Variants in CREB5 observed in about 807,000 individuals in gnomAD.
CREB5 encodes the protein cAMP responsive element binding protein 5, also known as cyclic AMP-responsive element-binding protein 5.
Under a neutral mutation model 57.1 loss-of-function variants are expected in CREB5, and 19 were observed. The observed-to-expected ratio is 0.33, with a 90% CI of 0.23 to 0.49. The LOEUF is 0.49. CREB5 is among the 20% of genes least tolerant of loss of function. The pLI, the probability that CREB5 is intolerant of heterozygous loss-of-function variation, is 0.99. For missense variants in CREB5, 579 were observed against 671.6 expected (o/e 0.86, Z 1.52); for synonymous variants, 238 against 238.3 (o/e 1.00, Z 0.01).
intron 1 of CREB5, among the ~76,000 whole-genome samples, chr7:28,302,261 G>A (rs1426592930): frequency 2.0e-5 from 3 of 151,904 alleles, no homozygotes; most frequent in Non-Finnish European, 2.9e-5. Flanking sequence ...GGTTTTTTTG[G>A]ACTGATTTTT....
At chr7:28,419,632 G>A (rs1788160695) in intron 1 of CREB5, among the ~76,000 whole-genome samples, 1 of 152,122 alleles carries the variant, frequency 6.6e-6, no homozygotes, top group Non-Finnish European at 1.5e-5. Flanking sequence ...AAAAACCTGG[G>A]CCAGTGAGGA....
intron 1 of CREB5, among the ~76,000 whole-genome samples, chr7:28,420,245 T>G (rs1788188096): frequency 6.6e-6 from 1 of 152,202 alleles, no homozygotes; most frequent in East Asian, 1.9e-4. Flanking sequence ...TTTTTATCCT[T>G]TCCAGGAAAT....
chr7:28,567,533 C>T (rs569764687), intron 4 of CREB5, among the ~76,000 whole-genome samples: 23 of 152,240 alleles, frequency 1.5e-4, no homozygotes, highest in Non-Finnish European at 2.1e-4. Context: ...TCTTCTCTCA[C>T]TGGGCTTACC....
chr7:28,614,300 A>G (rs1797516591), intron 5 of CREB5, among the ~76,000 whole-genome samples: 1 of 152,208 alleles, frequency 6.6e-6, no homozygotes, highest in Non-Finnish European at 1.5e-5. Context: ...CATTTGTGCT[A>G]TATCCATTTG....
At chr7:28,514,059 C>A (rs1272136767) in intron 4 of CREB5, among the ~76,000 whole-genome samples, 3 of 152,228 alleles carry the variant, frequency 2.0e-5, no homozygotes, top group Non-Finnish European at 4.4e-5. Flanking sequence ...TAGAGGAATA[C>A]TGGCTAAGAT....
At chr7:28,791,966 C>T (rs1023495213) in intron 7 of CREB5, among the ~76,000 whole-genome samples, 11 of 151,954 alleles carry the variant, frequency 7.2e-5, no homozygotes, top group Admixed American at 1.3e-4. Flanking sequence ...GAAATGGAGA[C>T]GTAAAAAGAT....
chr7:28,644,296 G>A (rs182974215), intron 5 of CREB5, among the ~76,000 whole-genome samples: 3 of 152,250 alleles, frequency 2.0e-5, no homozygotes, highest in African/African-American at 7.2e-5. Flanking sequence ...CTGCCTGATG[G>A]CTTATCATCT....
rs59152695 is a variant in CREB5, at chr7:28,348,408, TCACACA to T, written c.-25+48998_-25+49003del. Among the ~76,000 whole-genome samples, 410 of 118,236 alleles carry T rather than the reference TCACACA, an allele frequency of 3.5e-3. 1 individual carries two copies. Among genetic ancestry groups the T allele is most frequent in the African/African-American group, 9.3e-3 (294 of 31,728 alleles). 77.6% of individuals were successfully genotyped at this position (118,236 alleles called of 152,430 possible). A position where few individuals can be genotyped will look rare whatever the true frequency, so the allele number is the denominator to read the frequency against. Reference sequence around the variant, plus strand: ...GTCTCTCTCTCTCTGTCTCTCTCTCTCACACACACACACACACACACACACACACAC... The same window carrying T: ...GTCTCTCTCTCTCTGTCTCTCTCTCTCACACACACACACACACACACACAC... On this transcript the variant is annotated intron_variant, in intron 1 of 9. Transcript: ENST00000396299.
intron 7 of CREB5, among the ~76,000 whole-genome samples, chr7:28,779,769 A>G (rs1806865916): frequency 6.6e-6 from 1 of 152,118 alleles, no homozygotes; most frequent in African/African-American, 2.4e-5. Context: ...CCGTCCATAT[A>G]ACCCACCCAA....
chr7:28,343,446 A>G lies in CREB5; in HGVS notation c.-25+44005A>G, dbSNP rs572086992. 1.8e-4 allele frequency among the ~76,000 whole-genome samples: 27 copies of G among 152,166 alleles called. 1 individual carries two copies. The highest frequency in any genetic ancestry group is 1.0e-3 in the South Asian group (5 of 4,824). On this transcript the variant is annotated intron_variant, in intron 1 of 9. Coordinates refer to the CREB5 transcript ENST00000396299. Reference sequence around the variant, plus strand: ...CCACATATGAGTGACATCATACAGTATTTGTCTTTCTGTGCCTGCCTGGCT... The same window carrying G: ...CCACATATGAGTGACATCATACAGTGTTTGTCTTTCTGTGCCTGCCTGGCT...
chr7:28,579,361 T>C (rs1486540477), intron 5 of CREB5, among the ~76,000 whole-genome samples: 5 of 152,238 alleles, frequency 3.3e-5, no homozygotes, highest in African/African-American at 1.2e-4. Flanking sequence ...TGTTGTGCTT[T>C]TGGCAAATAT....
chr7:28,306,263 G>A (rs573641215), intron 1 of CREB5, among the ~76,000 whole-genome samples: 5 of 152,190 alleles, frequency 3.3e-5, no homozygotes, highest in Non-Finnish European at 7.4e-5. Flanking sequence ...TGTGCCTGCT[G>A]TGTTACTCTT....
At chr7:28,631,878 GT>G (rs2128693671) in intron 5 of CREB5, among the ~76,000 whole-genome samples, 1 of 152,274 alleles carries the variant, frequency 6.6e-6, no homozygotes, top group South Asian at 2.1e-4. Context: ...AAGAGAATGT[GT>G]TTGAAAGATG....
intron 4 of CREB5, among the ~76,000 whole-genome samples, chr7:28,552,388 T>G (rs533774800): frequency 6.6e-6 from 1 of 152,326 alleles, no homozygotes; most frequent in East Asian, 1.9e-4. Flanking sequence ...TATCTCCTTT[T>G]GTTATTATCG....
chr7:28,560,925 C>CGTGT (rs1163419011), intron 4 of CREB5, among the ~76,000 whole-genome samples: 1 of 33,480 alleles, frequency 3.0e-5, no homozygotes, highest in Non-Finnish European at 5.2e-5. Flanking sequence ...CGTGTGTGCG[C>CGTGT]GTGCGTGTGT....
At chr7:28,550,419 A>C (rs73079840) in intron 4 of CREB5, among the ~76,000 whole-genome samples, 14,995 of 152,192 alleles carry the variant, frequency 0.099, 858 homozygotes, top group East Asian at 0.2. Context: ...GGAATGGAGC[A>C]ATGCCTGGTT....
chr7:28,812,121 T>C (rs939689138), intron 9 of CREB5, among the ~76,000 whole-genome samples: 2 of 152,170 alleles, frequency 1.3e-5, no homozygotes, highest in South Asian at 2.1e-4. Context: ...CTGGTGGTGG[T>C]TGGGAAGGGA....
chr7:28,555,708 T>C (rs1280166822), intron 4 of CREB5, among the ~76,000 whole-genome samples: 1 of 152,182 alleles, frequency 6.6e-6, no homozygotes, highest in Non-Finnish European at 1.5e-5. Context: ...ATCATTAGCA[T>C]AAGAACATAA....
In CREB5 at chr7:28,305,926, C is replaced by T. The variant is rs971071189; in HGVS notation, c.-25+6485C>T. ...GTCTATACACCAAAAATAGTGTGTG[C>T]GTGTGTGTGTGTGTGCATTTACACA... On this transcript the variant is annotated intron_variant, in intron 1 of 9. Coordinates refer to the CREB5 transcript ENST00000396299. Among the ~76,000 whole-genome samples, 15 of 150,464 alleles carry T rather than the reference C, an allele frequency of 1.0e-4. No homozygotes were observed. The East Asian group carries it at 1.8e-3, about 18-fold the overall frequency.
Sources: gnomAD v4.1 joint callset for allele counts (sites outside exome capture counted in the v4.1 genomes callset) on GRCh38, gnomAD v4.1.1 for gene constraint, MANE v1.5 for transcripts, NCBI Gene and HGNC (gene_info 2026-07-23, HGNC 2026-07-21) for gene names.